The following SMYD3 variants were observed in gnomAD, a reference collection of about 807,000 sequenced individuals.
The protein encoded by SMYD3 is SET and MYND domain containing 3.
In SMYD3, 36 loss-of-function variants were observed where a neutral mutation model predicts 57.7. The observed-to-expected ratio is 0.62, with a 90% CI of 0.48 to 0.82. The LOEUF (loss-of-function observed/expected upper bound fraction) is 0.82, where lower values mean the gene tolerates loss of function less well. Among genes scored for constraint, SMYD3 ranks in the 40% least tolerant of loss-of-function variants. The probability of loss-of-function intolerance (pLI) is 0.00; values close to 1 mark genes in which losing one functional copy is unlikely to be tolerated. For missense variants in SMYD3, 515 were observed against 538.8 expected, an observed-to-expected ratio of 0.96 and a Z score of 0.44; for synonymous variants, 211 against 195.0, an observed-to-expected ratio of 1.08 and a Z score of -0.68.
intron 5 of SMYD3, among the ~76,000 whole-genome samples, chr1:245,949,533 G>A (rs1275940746): frequency 6.6e-6 from 1 of 152,244 alleles, no homozygotes; most frequent in African/African-American, 2.4e-5. Flanking sequence ...ACCAAGGCCG[G>A]ATGCGGTGGC....
At chr1:245,977,819 C>T (rs1309276425) in intron 5 of SMYD3, among the ~76,000 whole-genome samples, 1 of 152,216 alleles carries the variant, frequency 6.6e-6, no homozygotes. Context: ...TGAAGGTTGG[C>T]CCCATGCAGG....
intron 8 of SMYD3, among the ~76,000 whole-genome samples, chr1:245,873,953 A>G (rs189392622): frequency 6.6e-6 from 1 of 152,324 alleles, no homozygotes; most frequent in Admixed American, 6.5e-5. Flanking sequence ...CATTAGGGTT[A>G]CCACTGACAT....
At chr1:246,043,989 G>A (rs1291908025) in intron 5 of SMYD3, among the ~76,000 whole-genome samples, 2 of 152,312 alleles carry the variant, frequency 1.3e-5, no homozygotes, top group East Asian at 3.9e-4. Context: ...ACCTGCTGCA[G>A]TGTCCGCACG....
In SMYD3 at chr1:246,089,045, G is replaced by A. The variant is rs576729758; in HGVS notation, c.532-159108C>T. On this transcript the variant is annotated intron_variant, in intron 5 of 11. Coordinates refer to ENST00000490107, the MANE Select transcript of SMYD3 (RefSeq NM_001167740.2). ...GTCACTCAGGCTGGAGTGCAGTGGC[G>A]TAAACACGGCTCACTGTGGCCTCCT... 1.1e-4 allele frequency among the ~76,000 whole-genome samples: 17 copies of A among 152,214 alleles called. 1 individual carries two copies. Among genetic ancestry groups the A allele is most frequent in the African/African-American group, 2.4e-4 (10 of 41,550 alleles).
Position 245,925,951 on chromosome 1 carries a change from C to G in SMYD3, c.702+1980G>C, listed in dbSNP as rs375375339. On this transcript the variant is annotated intron_variant, in intron 7 of 11. Transcript: ENST00000490107. The stretch of plus-strand genomic sequence containing the variant: ...CATTTTCTGCTGTTTTAACAGAATA[C>G]CACAGACTGGGTAATTTATAAATAA... Among the ~76,000 whole-genome samples the G allele has an allele frequency of 3.4e-4, 52 of 152,254 alleles. 1 individual carries two copies. The South Asian group carries it at 8.1e-3, about 24-fold the overall frequency.
At chr1:246,468,229 A>C (rs1416802279) in intron 1 of SMYD3, among the ~76,000 whole-genome samples, 2 of 152,084 alleles carry the variant, frequency 1.3e-5, no homozygotes, top group Non-Finnish European at 2.9e-5. Context: ...AAGATGGTTT[A>C]ACATAAGTAA....
intron 8 of SMYD3, among the ~76,000 whole-genome samples, chr1:245,911,410 C>T (rs1016390347): frequency 1.3e-5 from 2 of 151,842 alleles, no homozygotes; most frequent in Non-Finnish European, 1.5e-5. Flanking sequence ...GAGAGATCTG[C>T]ACTCCCATGT....
At chr1:245,916,218 C>T (rs923664623) in intron 7 of SMYD3, among the ~76,000 whole-genome samples, 2 of 152,096 alleles carry the variant, frequency 1.3e-5, no homozygotes, top group African/African-American at 4.8e-5. Context: ...GAGAGTACCA[C>T]CACTGATGGA....
At chr1:245,946,291 T>C (rs954044262) in intron 5 of SMYD3, among the ~76,000 whole-genome samples, 9 of 152,230 alleles carry the variant, frequency 5.9e-5, no homozygotes, top group East Asian at 5.8e-4. Context: ...CAAACTTACT[T>C]GTCCTCAAAG....
intron 5 of SMYD3, among the ~76,000 whole-genome samples, chr1:246,191,225 G>A (rs912222987): frequency 6.6e-6 from 1 of 152,204 alleles, no homozygotes; most frequent in Non-Finnish European, 1.5e-5. Context: ...GGGCCCTTCT[G>A]CGAGGGTCTG....
rs552028672 is a variant in SMYD3 at position 246,239,288 on chromosome 1, C to A, written c.531+87913G>T. On this transcript the variant is annotated intron_variant, in intron 5 of 11. Coordinates refer to ENST00000490107, the MANE Select transcript of SMYD3 (RefSeq NM_001167740.2). ...ACAGGCCCTGGTGTGTGATGTTCCC[C>A]ACCCTGTGTCCAAGTGTTCTCATTG... Among the ~76,000 whole-genome samples, 7 of 152,214 alleles carry A rather than the reference C, an allele frequency of 4.6e-5. No homozygotes were observed. In the South Asian group the frequency reaches 1.5e-3, roughly 32 times the overall value.
At chr1:246,265,129 G>T (rs1348125521) in intron 5 of SMYD3, among the ~76,000 whole-genome samples, 1 of 152,096 alleles carries the variant, frequency 6.6e-6, no homozygotes, top group Admixed American at 6.5e-5. Context: ...TGAAGCTTCT[G>T]GTCAGTGTAT....
chr1:245,938,934 A>C (rs1176503784), intron 5 of SMYD3, among the ~76,000 whole-genome samples: 1 of 152,052 alleles, frequency 6.6e-6, no homozygotes. Flanking sequence ...TGTGAAGAAA[A>C]GAGGAGTTCA....
intron 5 of SMYD3, among the ~76,000 whole-genome samples, chr1:246,248,339 C>T (rs567750934): frequency 7.0e-6 from 1 of 142,534 alleles, no homozygotes; most frequent in Non-Finnish European, 1.5e-5. Context: ...CACTCATTTT[C>T]GGATTTTGAA....
At chr1:245,798,089 A>T (rs529641312) in intron 10 of SMYD3, among the ~76,000 whole-genome samples, 52 of 150,830 alleles carry the variant, frequency 3.4e-4, no homozygotes, top group Admixed American at 6.0e-4. Flanking sequence ...AAACATTCTT[A>T]TTTTTTTTTT....
rs190849137 is a variant in SMYD3, at chr1:246,272,641, G to A, written c.531+54560C>T. ...GCAGTCTGGGAATAAATGCCATTTG[G>A]TCATGGTGTATAATCCTTTTAATAT... On this transcript the variant is annotated intron_variant, in intron 5 of 11. Transcript: ENST00000490107. Among the ~76,000 whole-genome samples the A allele has an allele frequency of 3.2e-3, 469 of 147,998 alleles. 1 individual carries two copies. Among genetic ancestry groups the A allele is most frequent in the African/African-American group, 0.011 (460 of 41,120 alleles).
At chr1:246,411,435 G>C (rs1326365770) in intron 1 of SMYD3, among the ~76,000 whole-genome samples, 2 of 152,120 alleles carry the variant, frequency 1.3e-5, no homozygotes, top group Non-Finnish European at 2.9e-5. Flanking sequence ...CAGGGATCTA[G>C]AACTAGAAAT....
intron 5 of SMYD3, among the ~76,000 whole-genome samples, chr1:246,033,921 G>C (rs2059723928): frequency 6.6e-6 from 1 of 152,118 alleles, no homozygotes; most frequent in South Asian, 2.1e-4. Flanking sequence ...AGTCCTCTCT[G>C]TGTTCTATCT....
At chr1:246,289,142 G>T (rs1475488085) in intron 5 of SMYD3, among the ~76,000 whole-genome samples, 3 of 152,044 alleles carry the variant, frequency 2.0e-5, no homozygotes, top group Admixed American at 6.6e-5. Flanking sequence ...CTTAAAAAGC[G>T]ATTGTTAATT....
Sources: gnomAD v4.1 joint callset for allele counts (sites outside exome capture counted in the v4.1 genomes callset) on GRCh38, gnomAD v4.1.1 for gene constraint, MANE v1.5 for transcripts, NCBI Gene and HGNC (gene_info 2026-07-23, HGNC 2026-07-21) for gene names.